Variants in RALYL observed in about 807,000 individuals in gnomAD.
RALYL encodes the protein RNA-binding Raly-like protein.
Under a neutral mutation model 35.1 loss-of-function variants are expected in RALYL, and 29 were observed. The ratio of observed to expected loss-of-function variants is 0.83; its 90% CI spans 0.61 to 1.13. The LOEUF is 1.13. Ranked by LOEUF, RALYL falls within the 50% of genes most tolerant of loss-of-function variation. RALYL has a pLI of 0.00. For synonymous variants in RALYL, 120 were observed against 127.6 expected (o/e 0.94, Z 0.40); for missense variants, 359 against 360.4 (o/e 1.00, Z 0.03).
chr8:84,839,857 G>A (rs1039891479), intron 4 of RALYL, among the ~76,000 whole-genome samples: 1 of 152,236 alleles, frequency 6.6e-6, no homozygotes, highest in Non-Finnish European at 1.5e-5. Context: ...CAGGCAAACA[G>A]GGTCTGGAGT....
intron 1 of RALYL, among the ~76,000 whole-genome samples, chr8:84,441,563 G>A (rs1244300711): frequency 6.6e-6 from 1 of 152,074 alleles, no homozygotes; most frequent in Non-Finnish European, 1.5e-5. Context: ...ATTCTTTTGA[G>A]TTTGCTTTAA....
chr8:84,324,539 A>G (rs375409963), intron 1 of RALYL, among the ~76,000 whole-genome samples: 8 of 152,034 alleles, frequency 5.3e-5, no homozygotes, highest in East Asian at 1.9e-4. Flanking sequence ...CGAGGAATAT[A>G]TTCCTTTAGG....
intron 1 of RALYL, among the ~76,000 whole-genome samples, chr8:84,280,496 A>G (rs1395600277): frequency 3.3e-5 from 5 of 152,050 alleles, no homozygotes. Flanking sequence ...AAATTAGTTT[A>G]TATTTCTAAT....
chr8:84,873,693 A>G (rs1377213164), intron 7 of RALYL, among the ~76,000 whole-genome samples: 5 of 152,172 alleles, frequency 3.3e-5, no homozygotes, highest in African/African-American at 9.7e-5. Flanking sequence ...ATATCAAGTA[A>G]CCTTTCAGAA....
intron 6 of RALYL, among the ~76,000 whole-genome samples, chr8:84,867,271 C>T (rs1839342651): frequency 6.6e-6 from 1 of 152,062 alleles, no homozygotes; most frequent in Non-Finnish European, 1.5e-5. Context: ...GCCAGTTGTT[C>T]GTTTTTTTAT....
chr8:84,696,133 G>A (rs1167276651), intron 2 of RALYL, among the ~76,000 whole-genome samples: 1 of 151,382 alleles, frequency 6.6e-6, no homozygotes, highest in Non-Finnish European at 1.5e-5. Flanking sequence ...TTTTTACTTA[G>A]CATTACATCA....
At chr8:84,313,543 C>G (rs1007557569) in intron 1 of RALYL, among the ~76,000 whole-genome samples, 1 of 152,200 alleles carries the variant, frequency 6.6e-6, no homozygotes, top group Non-Finnish European at 1.5e-5. Context: ...TAGATCACTT[C>G]TTGAATACTT....
At chr8:84,375,927 A>G (rs1262451106) in intron 1 of RALYL, among the ~76,000 whole-genome samples, 2 of 151,888 alleles carry the variant, frequency 1.3e-5, no homozygotes, top group East Asian at 1.9e-4. Context: ...TGTGATTTCC[A>G]TTTTCTTTCC....
At chr8:84,689,348 G>A (rs1230036224) in intron 2 of RALYL, among the ~76,000 whole-genome samples, 7 of 151,938 alleles carry the variant, frequency 4.6e-5, no homozygotes, top group Non-Finnish European at 7.4e-5. Flanking sequence ...TTGTTCTTGC[G>A]ATAGTTTACT....
intron 1 of RALYL, among the ~76,000 whole-genome samples, chr8:84,521,505 G>A (rs1410093990): frequency 6.6e-6 from 1 of 152,146 alleles, no homozygotes; most frequent in Non-Finnish European, 1.5e-5. Context: ...CTGCATGAAT[G>A]TGTTTAACCC....
In RALYL at chr8:84,349,577, T is replaced by G. The variant is rs958466409; in HGVS notation, c.-24+165153T>G. 2.0e-5 allele frequency among the ~76,000 whole-genome samples: 3 copies of G among 150,370 alleles called. 1 individual carries two copies. Among genetic ancestry groups the G allele is most frequent in the Non-Finnish European group, 3.0e-5 (2 of 67,714 alleles). On this transcript the variant is annotated intron_variant, in intron 1 of 8. Transcript: ENST00000521268. ...TGAGCTTCAAATTCTGGAGTCTGCC[T>G]TGATATTTTCTCTCCCCCCACCTAC... is the stretch of plus-strand genomic sequence containing the variant.
At chr8:84,256,769 A>G (rs1419374341) in intron 1 of RALYL, among the ~76,000 whole-genome samples, 1 of 152,082 alleles carries the variant, frequency 6.6e-6, no homozygotes, top group East Asian at 1.9e-4. Context: ...TGGTACCACA[A>G]CGGTCATGCT....
At chr8:84,303,631 GAAAGGA>G (rs1316895083) in intron 1 of RALYL, among the ~76,000 whole-genome samples, 1 of 152,198 alleles carries the variant, frequency 6.6e-6, no homozygotes, top group East Asian at 1.9e-4. Context: ...TGTGTGACCT[GAAAGGA>G]AAGCTCAGTA....
chr8:84,392,442 A>C (rs186076774), intron 1 of RALYL, among the ~76,000 whole-genome samples: 9 of 152,122 alleles, frequency 5.9e-5, no homozygotes, highest in Admixed American at 2.0e-4. Flanking sequence ...TGAAAAACAA[A>C]AAAAAAAATT....
chr8:84,560,952 A>G (rs1393274327), intron 2 of RALYL, among the ~76,000 whole-genome samples: 1 of 152,076 alleles, frequency 6.6e-6, no homozygotes, highest in African/African-American at 2.4e-5. Context: ...GTGATTGTGC[A>G]GCAAAGGAAT....
At chr8:84,824,946 G>T (rs1008831018) in intron 4 of RALYL, among the ~76,000 whole-genome samples, 1 of 152,090 alleles carries the variant, frequency 6.6e-6, no homozygotes, top group Non-Finnish European at 1.5e-5. Flanking sequence ...CCTTCGGAAA[G>T]AATTCATGGC....
intron 2 of RALYL, among the ~76,000 whole-genome samples, chr8:84,674,927 A>G (rs1833912148): frequency 6.6e-6 from 1 of 152,016 alleles, no homozygotes; most frequent in Admixed American, 6.6e-5. Context: ...ATTCTTACTT[A>G]TGTTTATTTA....
intron 2 of RALYL, among the ~76,000 whole-genome samples, chr8:84,700,706 G>A (rs970063049): frequency 2.0e-5 from 3 of 152,132 alleles, no homozygotes; most frequent in Admixed American, 6.6e-5. Flanking sequence ...TATGATAGCC[G>A]TTAAATATTT....
chr8:84,288,139 G>A (rs1374197265), intron 1 of RALYL, among the ~76,000 whole-genome samples: 1 of 152,068 alleles, frequency 6.6e-6, no homozygotes, highest in African/African-American at 2.4e-5. Flanking sequence ...CAGGAGTATT[G>A]GTTACAGAGG....
Sources: gnomAD v4.1 joint callset for allele counts (sites outside exome capture counted in the v4.1 genomes callset) on GRCh38, gnomAD v4.1.1 for gene constraint, MANE v1.5 for transcripts, NCBI Gene and HGNC (gene_info 2026-07-23, HGNC 2026-07-21) for gene names.